The following QTGAL variants were observed in gnomAD, a reference collection of about 807,000 sequenced individuals.
The protein encoded by QTGAL is queuosine-tRNA galactosyltransferase.
the QTGAL span, among the ~76,000 whole-genome samples, chr17:83,044,588 G>A: frequency 6.6e-6 from 1 of 152,228 alleles, no homozygotes; most frequent in African/African-American, 2.4e-5. Context: ...GAACCGAAGC[G>A]AGGATGCCCA....
chr17:83,045,002 T>G, the QTGAL span, among the ~76,000 whole-genome samples: 1 of 151,506 alleles, frequency 6.6e-6, no homozygotes, highest in Non-Finnish European at 1.5e-5. Flanking sequence ...CTATCTCTAC[T>G]CATAGATAAT....
the QTGAL span, among the ~76,000 whole-genome samples, chr17:82,996,278 C>T: frequency 3.2e-4 from 49 of 152,268 alleles, no homozygotes; most frequent in African/African-American, 1.1e-3. Flanking sequence ...AATCCCAGCA[C>T]TTTGGGAGGC....
the QTGAL span, among the ~76,000 whole-genome samples, chr17:82,954,339 A>G: frequency 9.2e-5 from 14 of 152,260 alleles, no homozygotes; most frequent in East Asian, 2.7e-3. Context: ...GAGCATTCCT[A>G]TACACCAATA....
the QTGAL span, among the ~76,000 whole-genome samples, chr17:83,026,618 A>G: frequency 1.5e-4 from 22 of 149,610 alleles, no homozygotes; most frequent in Admixed American, 2.7e-4. Context: ...CGACCGATAC[A>G]CAGAGGAGGG....
chr17:82,955,801 T>G, the QTGAL span, among the ~76,000 whole-genome samples: 1 of 152,112 alleles, frequency 6.6e-6, no homozygotes, highest in Non-Finnish European at 1.5e-5. Context: ...ATATAGCCCA[T>G]GGAATACTAC....
the QTGAL span, among the ~76,000 whole-genome samples, chr17:82,974,856 G>A: frequency 2.0e-5 from 3 of 152,340 alleles, no homozygotes; most frequent in Middle Eastern, 3.4e-3. Context: ...GGCAAAGAAC[G>A]TGGGGCTGGG....
chr17:82,994,842 C>T, the QTGAL span, among the ~76,000 whole-genome samples: 2 of 152,298 alleles, frequency 1.3e-5, no homozygotes, highest in African/African-American at 2.4e-5. Flanking sequence ...TCATTCATCA[C>T]GACCAAGTGG....
At chr17:82,998,386 C>T in the QTGAL span, among the ~76,000 whole-genome samples, 3 of 152,224 alleles carry the variant, frequency 2.0e-5, no homozygotes, top group African/African-American at 7.2e-5. Context: ...CACTCTGTCT[C>T]CCAGGCTGGA....
the QTGAL span, chr17:83,014,458 G>T: frequency 6.2e-7 from 1 of 1,613,976 alleles, no homozygotes; most frequent in Non-Finnish European, 8.5e-7. Context: ...ACTTACGCTC[G>T]ACGGGTGCTG....
At chr17:82,945,209 G>C in the QTGAL span, 8 of 152,352 alleles carry the variant, frequency 5.3e-5, no homozygotes, top group African/African-American at 1.9e-4. Flanking sequence ...CAGCTGAAGA[G>C]AGAATTAGAA....
chr17:83,025,179 G>A, the QTGAL span, among the ~76,000 whole-genome samples: 6 of 86,548 alleles, frequency 6.9e-5, 1 homozygote, highest in Non-Finnish European at 1.4e-4. Flanking sequence ...GTCCACACAC[G>A]GACACCGCGG....
At chr17:82,993,139 G>A in the QTGAL span, among the ~76,000 whole-genome samples, 1 of 152,108 alleles carries the variant, frequency 6.6e-6, no homozygotes, top group Non-Finnish European at 1.5e-5. Context: ...AACATTAAAT[G>A]TAAGTGGATT....
chr17:83,047,469 TTTAGGTCTATAATAAATC>T, the QTGAL span, among the ~76,000 whole-genome samples: 1 of 77,660 alleles, frequency 1.3e-5, no homozygotes, highest in Non-Finnish European at 3.1e-5. Context: ...GAAAAAGAAA[TTTAGGTCTATAATAAATC>T]CCTACCAAAG....
the QTGAL span, among the ~76,000 whole-genome samples, chr17:83,018,033 T>G: frequency 1.4e-5 from 2 of 142,088 alleles, no homozygotes; most frequent in Admixed American, 1.4e-4. Flanking sequence ...GTACCACACG[T>G]GCTCCGTGAA....
At chr17:82,957,343 G>T in the QTGAL span, 1 of 1,613,672 alleles carries the variant, frequency 6.2e-7, no homozygotes. Context: ...GTGTTGGAGG[G>T]TGGCAGGATG....
the QTGAL span, among the ~76,000 whole-genome samples, chr17:83,000,631 T>C: frequency 2.6e-5 from 4 of 152,242 alleles, no homozygotes; most frequent in Admixed American, 1.3e-4. Context: ...TATGTACTCA[T>C]GACACATCTT....
the QTGAL span, among the ~76,000 whole-genome samples, chr17:83,044,176 C>G: frequency 6.6e-6 from 1 of 152,156 alleles, no homozygotes; most frequent in African/African-American, 2.4e-5. Context: ...ACAAAGATAT[C>G]ATATGAATAG....
chr17:82,944,239 G>A, the QTGAL span: 1 of 151,062 alleles, frequency 6.6e-6, no homozygotes, highest in Non-Finnish European at 1.5e-5. Context: ...AGCAACCCGA[G>A]GAAAGTGGAT....
the QTGAL span, among the ~76,000 whole-genome samples, chr17:83,019,615 T>C: frequency 6.6e-6 from 1 of 152,214 alleles, no homozygotes; most frequent in Non-Finnish European, 1.5e-5. Context: ...CGGCGGGGGC[T>C]GCACAGCAAT....
Sources: gnomAD v4.1 joint callset for allele counts (sites outside exome capture counted in the v4.1 genomes callset) on GRCh38, gnomAD v4.1.1 for gene constraint, MANE v1.5 for transcripts, NCBI Gene and HGNC (gene_info 2026-07-23, HGNC 2026-07-21) for gene names.